The following ITGBL1 variants were observed in gnomAD, a reference collection of about 807,000 sequenced individuals.
ITGBL1 encodes the protein integrin subunit beta like 1, also known as integrin beta-like protein 1.
In ITGBL1, 51 loss-of-function variants were observed where a neutral mutation model predicts 68.5. The observed-to-expected ratio is 0.74, with a 90% confidence interval of 0.59 to 0.94. The LOEUF (loss-of-function observed/expected upper bound fraction) is 0.94, where lower values mean the gene tolerates loss of function less well. Ranked by LOEUF, ITGBL1 falls within the 40% of genes least tolerant of loss-of-function variation. The pLI is 0.00. For synonymous variants in ITGBL1, 209 were observed against 227.3 expected, an observed-to-expected ratio of 0.92 and a Z score of 0.72; for missense variants, 649 against 647.4, an observed-to-expected ratio of 1.00 and a Z score of -0.03.
At chr13:101,643,800 C>T (rs941199308) in intron 7 of ITGBL1, among the ~76,000 whole-genome samples, 1 of 152,008 alleles carries the variant, frequency 6.6e-6, no homozygotes, top group Non-Finnish European at 1.5e-5. Context: ...ATAAATAAGT[C>T]TTAGAAATAA....
chr13:101,612,125 G>C (rs2031157361), intron 7 of ITGBL1, among the ~76,000 whole-genome samples: 1 of 152,110 alleles, frequency 6.6e-6, no homozygotes, highest in Non-Finnish European at 1.5e-5. Flanking sequence ...AGGCAAAAAG[G>C]CAAGATTCTT....
chr13:101,512,744 A>G (rs953421420), intron 2 of ITGBL1, among the ~76,000 whole-genome samples: 3 of 152,144 alleles, frequency 2.0e-5, no homozygotes, highest in African/African-American at 7.2e-5. Flanking sequence ...GTGGATTCTT[A>G]TCTATAATTA....
chr13:101,529,138 C>T (rs188695921), intron 2 of ITGBL1, among the ~76,000 whole-genome samples: 278 of 150,568 alleles, frequency 1.8e-3, no homozygotes, highest in African/African-American at 6.4e-3. Flanking sequence ...TTAAGAAAAA[C>T]CGAAGTTGAA....
At chr13:101,592,651 A>G (rs1353127347) in intron 6 of ITGBL1, among the ~76,000 whole-genome samples, 2 of 152,134 alleles carry the variant, frequency 1.3e-5, no homozygotes, top group Non-Finnish European at 2.9e-5. Context: ...GATTTTCAAC[A>G]AAAGTGCTAA....
At chr13:101,665,939 C>T (rs2033204845) in intron 7 of ITGBL1, among the ~76,000 whole-genome samples, 1 of 152,160 alleles carries the variant, frequency 6.6e-6, no homozygotes, top group African/African-American at 2.4e-5. Flanking sequence ...TGGACGGACA[C>T]TGGCTTTGTT....
At chr13:101,477,756 C>A (rs112520237) in intron 2 of ITGBL1, among the ~76,000 whole-genome samples, 96 of 152,094 alleles carry the variant, frequency 6.3e-4, no homozygotes, top group African/African-American at 2.2e-3. Flanking sequence ...CACATACAAC[C>A]TATCAAGATT....
At chr13:101,667,801 A>G (rs898561031) in intron 7 of ITGBL1, among the ~76,000 whole-genome samples, 1 of 152,060 alleles carries the variant, frequency 6.6e-6, no homozygotes, top group African/African-American at 2.4e-5. Flanking sequence ...TGTATGTTGT[A>G]TATACATAAT....
At chr13:101,464,406 T>A (rs938451374) in intron 2 of ITGBL1, among the ~76,000 whole-genome samples, 2 of 152,132 alleles carry the variant, frequency 1.3e-5, no homozygotes, top group African/African-American at 2.4e-5. Context: ...CAAGTGTTGA[T>A]GTACTCAGAT....
chr13:101,480,994 C>G (rs2048611113), intron 2 of ITGBL1, among the ~76,000 whole-genome samples: 1 of 137,604 alleles, frequency 7.3e-6, no homozygotes, highest in Non-Finnish European at 1.5e-5. Context: ...CTTTTAATGC[C>G]AAAAGATATG....
intron 2 of ITGBL1, among the ~76,000 whole-genome samples, chr13:101,558,278 C>T (rs117480159): frequency 0.016 from 2,481 of 151,870 alleles, 24 homozygotes; most frequent in Non-Finnish European, 0.026. Context: ...TACACAGGGA[C>T]ATAAAGATAG....
intron 2 of ITGBL1, among the ~76,000 whole-genome samples, chr13:101,563,869 T>A (rs2050138662): frequency 1.3e-5 from 2 of 151,820 alleles, no homozygotes; most frequent in African/African-American, 4.8e-5. Context: ...CCAGTATGAT[T>A]TATAAACATA....
intron 2 of ITGBL1, among the ~76,000 whole-genome samples, chr13:101,515,056 T>C (rs1160881579): frequency 6.6e-6 from 1 of 152,118 alleles, no homozygotes; most frequent in African/African-American, 2.4e-5. Flanking sequence ...TGTTCTTATA[T>C]AAAATACTTA....
intron 6 of ITGBL1, among the ~76,000 whole-genome samples, chr13:101,592,674 GA>G (rs2050675090): frequency 6.6e-6 from 1 of 151,900 alleles, no homozygotes; most frequent in African/African-American, 2.4e-5. Flanking sequence ...ACACACATTG[GA>G]AAAAAGATAA....
At chr13:101,632,885 A>G (rs1227845376) in intron 7 of ITGBL1, among the ~76,000 whole-genome samples, 1 of 152,210 alleles carries the variant, frequency 6.6e-6, no homozygotes, top group Non-Finnish European at 1.5e-5. Flanking sequence ...TCACCTGATG[A>G]TATTGCTTTG....
intron 3 of ITGBL1, among the ~76,000 whole-genome samples, chr13:101,573,900 C>G (rs561468180): frequency 3.9e-5 from 6 of 152,148 alleles, no homozygotes; most frequent in Non-Finnish European, 5.9e-5. Context: ...GCCCTCTACT[C>G]TTTCTCCTAA....
intron 7 of ITGBL1, among the ~76,000 whole-genome samples, chr13:101,656,174 T>G (rs1188019145): frequency 6.6e-6 from 1 of 152,192 alleles, no homozygotes; most frequent in Admixed American, 6.5e-5. Flanking sequence ...GATAAGAGAC[T>G]GTGGAGACCA....
chr13:101,694,314 G>C (rs115342548), intron 8 of ITGBL1, among the ~76,000 whole-genome samples: 1 of 152,158 alleles, frequency 6.6e-6, no homozygotes, highest in Non-Finnish European at 1.5e-5. Flanking sequence ...ATAGCAATAT[G>C]TATGTATGTA....
intron 7 of ITGBL1, among the ~76,000 whole-genome samples, chr13:101,608,439 C>G (rs1336869619): frequency 6.6e-6 from 1 of 150,978 alleles, no homozygotes; most frequent in Non-Finnish European, 1.5e-5. Flanking sequence ...GAATCATTAC[C>G]TTTCTTATTC....
At chr13:101,540,125 C>A (rs1230887846) in intron 2 of ITGBL1, among the ~76,000 whole-genome samples, 5 of 152,086 alleles carry the variant, frequency 3.3e-5, no homozygotes, top group African/African-American at 1.2e-4. Flanking sequence ...GAAGTCCTTG[C>A]CCATGCCTAT....
Sources: allele counts gnomAD v4.1 joint callset (sites outside exome capture counted in the v4.1 genomes callset), GRCh38; gene constraint gnomAD v4.1.1; transcripts MANE v1.5; gene names NCBI Gene and HGNC (gene_info 2026-07-23, HGNC 2026-07-21).